The following POU2F2 variants were observed in gnomAD, a reference collection of about 807,000 sequenced individuals.
POU2F2 encodes the protein POU class 2 homeobox 2.
A neutral mutation model predicts 63.5 loss-of-function variants in POU2F2; 14 were observed. That is an observed-to-expected ratio of 0.22 (90% CI 0.15 to 0.34). The LOEUF is 0.34. Among genes scored for constraint, POU2F2 ranks in the 10% least tolerant of loss-of-function variants. POU2F2 has a pLI of 1.00. For synonymous variants in POU2F2, 306 were observed against 348.6 expected (o/e 0.88, Z 1.36); for missense variants, 607 against 815.2 (o/e 0.74, Z 3.11).
chr19:42,187,206 G>A (rs1271363263), intron 1 of POU2F2, among the ~76,000 whole-genome samples: 3 of 152,154 alleles, frequency 2.0e-5, no homozygotes, highest in African/African-American at 7.2e-5. Context: ...GTTCACGCCT[G>A]TAATCCCAGC....
intron 1 of POU2F2, among the ~76,000 whole-genome samples, chr19:42,131,666 G>T (rs550920772): frequency 1.4e-4 from 22 of 152,336 alleles, no homozygotes; most frequent in Admixed American, 1.4e-3. Flanking sequence ...TGGTGGAGAA[G>T]GCATTTAATA....
intron 2 of POU2F2, among the ~76,000 whole-genome samples, chr19:42,158,622 T>A (rs1022713147): frequency 6.6e-6 from 1 of 152,190 alleles, no homozygotes; most frequent in African/African-American, 2.4e-5. Flanking sequence ...CCCTAATAAA[T>A]ATCAGTTTCC....
At chr19:42,138,355 A>G (rs2034060411) in intron 2 of POU2F2, among the ~76,000 whole-genome samples, 1 of 152,140 alleles carries the variant, frequency 6.6e-6, no homozygotes, top group Non-Finnish European at 1.5e-5. Context: ...AGCTCAGGTA[A>G]GAAAGATCAG....
chr19:42,154,091 ACCCGCTCCC>A (rs2034411361), intron 2 of POU2F2, among the ~76,000 whole-genome samples: 1 of 74,274 alleles, frequency 1.3e-5, no homozygotes, highest in Admixed American at 1.2e-4. Flanking sequence ...CCCCAGCGCC[ACCCGCTCCC>A]CCCGCCCTCC....
Position 42,167,870 on chromosome 19 carries a change from G to A in POU2F2, c.-69-7478C>T, listed in dbSNP as rs530011635. On this transcript the variant is annotated intron_variant, in intron 1 of 6. Transcript: ENST00000524801. ...CCCAAGAAGCCCTCAGTAAGCCCTC[G>A]GAGTCCCTTGACAGGGCTTTGTCAG... Among the ~76,000 whole-genome samples, 29 of 152,242 alleles carry A rather than the reference G, an allele frequency of 1.9e-4. No individual in the cohort carries two copies. The East Asian group carries it at 3.5e-3, about 18-fold the overall frequency.
At chr19:42,106,653 A>G (rs959316794) in intron 5 of POU2F2, among the ~76,000 whole-genome samples, 4 of 151,870 alleles carry the variant, frequency 2.6e-5, no homozygotes, top group African/African-American at 9.7e-5. Context: ...GCTCATGCCT[A>G]TAATCCCAGC....
rs2034566663 is a variant in POU2F2, at chr19:42,162,273, C to T, written c.-69-1881G>A. 6.6e-6 allele frequency among the ~76,000 whole-genome samples: 1 copy of T among 152,136 alleles called. No individual in the cohort carries two copies. Among genetic ancestry groups the T allele is most frequent in the South Asian group, 2.1e-4 (1 of 4,838 alleles). ...CTGCTTCCAACTCTCATCCCATCTC[C>T]CGGGTTCCCAAACCCCAATATGCCC... On this transcript the variant is annotated intron_variant, in intron 1 of 6. Coordinates refer to the POU2F2 transcript ENST00000524801. The surrounding 1 kb of genome is among the most constrained non-coding windows in gnomAD (Gnocchi z 4.1).
At position 42,139,708 on chromosome 19, in the gene POU2F2, G is replaced by A. The variant is rs2034089663; in HGVS notation, c.-8-17132C>T. 2.0e-5 allele frequency among the ~76,000 whole-genome samples: 3 copies of A among 152,106 alleles called. 1 individual carries two copies. The highest frequency in any genetic ancestry group is 4.1e-4 in the South Asian group (2 of 4,828). The stretch of plus-strand genomic sequence containing the variant: ...ACCCACCTCAGCCTCCCAAAGTGCT[G>A]GAATTACAGGCATGAGCCACTGTGG... On this transcript the variant is annotated intron_variant, in intron 2 of 6. Transcript: ENST00000524801.
In POU2F2 at chr19:42,095,718, A is replaced by C; in HGVS notation, c.872-25T>G. On this transcript the variant is annotated intron_variant, in intron 9 of 14. Transcript: ENST00000692977. The surrounding 1 kb of genome is among the most constrained non-coding windows in gnomAD (Gnocchi z 7.1). ...TCTGTGCGCCGGGGGAGACGTGAGC[A>C]TGAGAAGGGGCCTCCCGCGGCCAGC... is the stretch of plus-strand genomic sequence containing the variant. The C allele has an allele frequency of 2.5e-6, 4 of 1,612,130 alleles. No homozygotes were observed. The highest frequency in any genetic ancestry group is 3.4e-6 in the Non-Finnish European group (4 of 1,179,826).
In POU2F2 at chr19:42,192,441, G is replaced by A. The variant is rs372378258; in HGVS notation, c.-70+3942C>T. Among the ~76,000 whole-genome samples the A allele has an allele frequency of 9.1e-4, 138 of 152,278 alleles. 7 individuals are homozygous for A. In the South Asian group the frequency reaches 0.027, roughly 30 times the overall value. Reference sequence around the variant, plus strand: ...CCAGAGTTTATCAAGGGTGGGGTTGGATCTAACTCATCTTGTAGTACCTAG... The same window carrying A: ...CCAGAGTTTATCAAGGGTGGGGTTGAATCTAACTCATCTTGTAGTACCTAG... On this transcript the variant is annotated intron_variant, in intron 1 of 5. Transcript: ENST00000532176.
chr19:42,181,378 G>A (rs1354145874), intron 1 of POU2F2, among the ~76,000 whole-genome samples: 1 of 152,200 alleles, frequency 6.6e-6, no homozygotes, highest in Non-Finnish European at 1.5e-5. Flanking sequence ...ATGTCTGAGT[G>A]AGGGCCATCT....
At chr19:42,182,399 AG>A (rs1242174830) in intron 1 of POU2F2, among the ~76,000 whole-genome samples, 1 of 151,946 alleles carries the variant, frequency 6.6e-6, no homozygotes, top group Non-Finnish European at 1.5e-5. Flanking sequence ...TGGGTGTGAG[AG>A]AAAAGAGGAA....
chr19:42,099,682 G>A, intron 6 of POU2F2, 34 bp downstream of exon 6: 2 of 1,600,534 alleles, frequency 1.2e-6, no homozygotes, highest in Non-Finnish European at 1.7e-6. Flanking sequence ...TTCTGTGGAG[G>A]CGTCAGGGAG....
chr19:42,091,490 T>G lies in POU2F2; in HGVS notation c.1642A>C (p.Thr548Pro), dbSNP rs1179551020. Residue 548 changes from threonine to proline, a missense_variant, in exon 15 of 15, where the codon ACC becomes CCC. This residue lies in a region of POU2F2 where 270 missense variants were observed against 307.5 expected (regional missense o/e 0.88). Coordinates refer to ENST00000692977, the MANE Select transcript of POU2F2 (RefSeq NM_001394376.1). Reference sequence around the variant, plus strand: ...GCATGATTCAAGAAGAGCGGCGAGGTCACCAGGCCAGGGCTCCCCGGGGCT... The same window carrying G: ...GCATGATTCAAGAAGAGCGGCGAGGGCACCAGGCCAGGGCTCCCCGGGGCT... Reference protein sequence around the residue: ...GAAPGSPGLVTSPLFLNHAGL... With the variant: ...GAAPGSPGLVPSPLFLNHAGL... 1.3e-5 allele frequency: 20 copies of G among 1,546,966 alleles called. No homozygotes were observed. In the South Asian group the frequency reaches 2.4e-4, roughly 18 times the overall value.
upstream of POU2F2, among the ~76,000 whole-genome samples, chr19:42,176,717 C>A (rs924781313): frequency 6.8e-6 from 1 of 147,392 alleles, no homozygotes; most frequent in African/African-American, 2.5e-5. Context: ...AGCAAGCTGA[C>A]CCCCCCCATC....
At chr19:42,165,541 AGT>A (rs1437421600) in intron 1 of POU2F2, among the ~76,000 whole-genome samples, 5 of 152,194 alleles carry the variant, frequency 3.3e-5, no homozygotes, top group Non-Finnish European at 7.3e-5. Flanking sequence ...TGCAAGAACA[AGT>A]GTGCATGCAG....
chr19:42,172,865 T>C (rs1568423648), intron 1 of POU2F2, among the ~76,000 whole-genome samples: 1 of 151,684 alleles, frequency 6.6e-6, no homozygotes, highest in Non-Finnish European at 1.5e-5. Flanking sequence ...AGGGAGGAAG[T>C]GGGGGAAGAG....
In POU2F2 at chr19:42,090,801, G is replaced by A. The variant is rs182478152; in HGVS notation, c.*456C>T. On this transcript the variant is annotated 3_prime_UTR_variant, in exon 15 of 15. Transcript: ENST00000692977. The surrounding 1 kb of genome is among the most constrained non-coding windows in gnomAD (Gnocchi z 4.4). ...TTTTCCTTCTGTAGCCCCCACGGGG[G>A]AGGCAGGGTTGGGGGTTGGTCCCAC... The A allele has an allele frequency of 3.6e-3, 554 of 155,900 alleles. 4 individuals carry two copies. The highest frequency in any genetic ancestry group is 0.02 in the Middle Eastern group (6 of 300). The allele number at this position is 155,900 out of a possible 1,614,324, so 9.7% of individuals were successfully genotyped here.
chr19:42,182,791 AG>A (rs2034976762), intron 1 of POU2F2, among the ~76,000 whole-genome samples: 1 of 152,152 alleles, frequency 6.6e-6, no homozygotes. Flanking sequence ...TGAAGTGGGT[AG>A]GGTCCTGGGA....
Sources: gnomAD v4.1 joint callset for allele counts (sites outside exome capture counted in the v4.1 genomes callset) on GRCh38, gnomAD v4.1.1 for gene constraint, gnomAD v4.1.1 regional missense constraint, Gnocchi (gnomAD v3.1) non-coding constraint, MANE v1.5 for transcripts, NCBI Gene and HGNC (gene_info 2026-07-23, HGNC 2026-07-21) for gene names.